The following TBC1D5 variants were observed in gnomAD, a reference collection of about 807,000 sequenced individuals.
TBC1D5 encodes TBC1 domain family member 5.
A neutral mutation model predicts 100.3 loss-of-function variants in TBC1D5; 75 were observed. That is an observed-to-expected ratio of 0.75 (90% CI 0.62 to 0.91). TBC1D5 has a LOEUF of 0.91. Among genes scored for constraint, TBC1D5 ranks in the 40% least tolerant of loss-of-function variants. TBC1D5 has a pLI of 0.00. For missense variants in TBC1D5, 910 were observed against 942.4 expected, an observed-to-expected ratio of 0.97 and a Z score of 0.45; for synonymous variants, 323 against 325.6, an observed-to-expected ratio of 0.99 and a Z score of 0.09.
At chr3:17,231,043 A>G (rs1334227454) in intron 17 of TBC1D5, among the ~76,000 whole-genome samples, 4 of 152,040 alleles carry the variant, frequency 2.6e-5, no homozygotes, top group Non-Finnish European at 4.4e-5. Flanking sequence ...TTTTTTCTGA[A>G]TATTTTTGAC....
intron 13 of TBC1D5, among the ~76,000 whole-genome samples, chr3:17,336,541 G>A (rs1378681230): frequency 2.0e-5 from 3 of 152,020 alleles, no homozygotes; most frequent in African/African-American, 7.2e-5. Context: ...TAAAATGGCT[G>A]CTACATCTCC....
intron 4 of TBC1D5, among the ~76,000 whole-genome samples, chr3:17,417,297 C>T (rs1487653240): frequency 6.6e-6 from 1 of 151,326 alleles, no homozygotes; most frequent in South Asian, 2.1e-4. Flanking sequence ...CCCATTAACT[C>T]GTCATTTAGC....
chr3:17,565,134 G>C (rs2096585626), intron 2 of TBC1D5, among the ~76,000 whole-genome samples: 1 of 152,068 alleles, frequency 6.6e-6, no homozygotes, highest in South Asian at 2.1e-4. Flanking sequence ...GCATTTAATG[G>C]AACCTATTAA....
chr3:17,628,470 C>A (rs754844596), intron 1 of TBC1D5, among the ~76,000 whole-genome samples: 5 of 151,876 alleles, frequency 3.3e-5, no homozygotes, highest in Non-Finnish European at 7.4e-5. Flanking sequence ...CCCTCTCCCC[C>A]CACTTCACCA....
chr3:17,316,476 G>C (rs1293105860), intron 13 of TBC1D5, among the ~76,000 whole-genome samples: 2 of 152,166 alleles, frequency 1.3e-5, no homozygotes, highest in African/African-American at 4.8e-5. Context: ...AGCCATTTTA[G>C]GAGTTAGGCT....
intron 2 of TBC1D5, among the ~76,000 whole-genome samples, chr3:17,597,829 T>C (rs1477152926): frequency 6.6e-6 from 1 of 152,178 alleles, no homozygotes; most frequent in Non-Finnish European, 1.5e-5. Flanking sequence ...AACTAATGCA[T>C]GTATAATGTA....
intron 1 of TBC1D5, chr3:17,706,053 G>A: frequency 1.3e-6 from 2 of 1,584,010 alleles, no homozygotes; most frequent in East Asian, 2.3e-5. Context: ...TAAGGTGGGA[G>A]CCTACTGATT....
chr3:17,351,963 C>T (rs17043467), intron 13 of TBC1D5, among the ~76,000 whole-genome samples: 13,316 of 149,398 alleles, frequency 0.089, 1,394 homozygotes, highest in African/African-American at 0.25. Context: ...CCTCAAACAA[C>T]GTTTCATCTA....
chr3:17,482,733 C>T (rs1417719843), intron 3 of TBC1D5, among the ~76,000 whole-genome samples: 3 of 152,226 alleles, frequency 2.0e-5, no homozygotes, highest in Non-Finnish European at 2.9e-5. Flanking sequence ...AAGCAAAAGA[C>T]GAACTATTTT....
At chr3:17,336,845 A>G (rs2087907563) in intron 13 of TBC1D5, among the ~76,000 whole-genome samples, 1 of 152,178 alleles carries the variant, frequency 6.6e-6, no homozygotes, top group African/African-American at 2.4e-5. Context: ...CACAAGAAAG[A>G]AATTTGGTAT....
intron 13 of TBC1D5, among the ~76,000 whole-genome samples, chr3:17,319,055 C>T (rs1234826580): frequency 6.6e-6 from 1 of 152,118 alleles, no homozygotes; most frequent in African/African-American, 2.4e-5. Flanking sequence ...TTTAGAAAGA[C>T]TTATGAGGTC....
chr3:17,529,706 G>A (rs2096192619), intron 2 of TBC1D5, among the ~76,000 whole-genome samples: 1 of 151,770 alleles, frequency 6.6e-6, no homozygotes, highest in African/African-American at 2.4e-5. Context: ...GAGTGCAGTG[G>A]CATAATCTCG....
intron 2 of TBC1D5, among the ~76,000 whole-genome samples, chr3:17,618,046 T>G (rs1286579122): frequency 1.3e-5 from 2 of 152,234 alleles, no homozygotes; most frequent in African/African-American, 4.8e-5. Context: ...TTTATCTACC[T>G]TTGGTCTTTG....
chr3:17,523,470 T>C (rs2096086735), intron 2 of TBC1D5, among the ~76,000 whole-genome samples: 3 of 152,100 alleles, frequency 2.0e-5, no homozygotes, highest in South Asian at 4.1e-4. Context: ...CAAAAGACTT[T>C]ATGGAGAAGG....
intron 1 of TBC1D5, among the ~76,000 whole-genome samples, chr3:17,626,081 G>T (rs1317129776): frequency 6.6e-6 from 1 of 151,972 alleles, no homozygotes; most frequent in Non-Finnish European, 1.5e-5. Context: ...AATTAAGTTG[G>T]ACCATTTGAA....
intron 1 of TBC1D5, among the ~76,000 whole-genome samples, chr3:17,650,270 A>G (rs1362733002): frequency 6.6e-6 from 1 of 152,108 alleles, no homozygotes; most frequent in Non-Finnish European, 1.5e-5. Flanking sequence ...CTGCACATGT[A>G]CCCCAGAACT....
intron 3 of TBC1D5, among the ~76,000 whole-genome samples, chr3:17,481,961 G>A (rs547433552): frequency 2.6e-5 from 4 of 152,118 alleles, no homozygotes; most frequent in Non-Finnish European, 4.4e-5. Context: ...GGGTGGTCTC[G>A]AACTCCTGAC....
At chr3:17,256,183 G>A (rs1053733301) in intron 16 of TBC1D5, among the ~76,000 whole-genome samples, 2 of 151,878 alleles carry the variant, frequency 1.3e-5, no homozygotes, top group African/African-American at 4.8e-5. Context: ...TTTGTGTGTG[G>A]TTGATACTTT....
At chr3:17,602,872 G>C (rs972240272) in intron 2 of TBC1D5, among the ~76,000 whole-genome samples, 3 of 152,010 alleles carry the variant, frequency 2.0e-5, no homozygotes, top group Non-Finnish European at 4.4e-5. Flanking sequence ...ACCGTGCCCG[G>C]CCGACAATCA....
Sources: allele counts gnomAD v4.1 joint callset (sites outside exome capture counted in the v4.1 genomes callset), GRCh38; gene constraint gnomAD v4.1.1; transcripts MANE v1.5; gene names NCBI Gene and HGNC (gene_info 2026-07-23, HGNC 2026-07-21).